The following MTMR14 variants were observed in gnomAD, a reference collection of about 807,000 sequenced individuals.
MTMR14 encodes the protein myotubularin related protein 14, also known as phosphatidylinositol-3,5-bisphosphate 3-phosphatase MTMR14.
Under a neutral mutation model 86.3 loss-of-function variants are expected in MTMR14, and 48 were observed. The ratio of observed to expected loss-of-function variants is 0.56; its 90% CI spans 0.44 to 0.71. The LOEUF is 0.71. Ranked by LOEUF, MTMR14 falls within the 30% of genes least tolerant of loss-of-function variation. The pLI is 0.00. For missense variants in MTMR14, 780 were observed against 834.6 expected (o/e 0.93, Z 0.81); for synonymous variants, 366 against 326.1 (o/e 1.12, Z -1.32).
Position 9,690,000 on chromosome 3 carries a change from C to A in MTMR14, c.1470C>A (p.Leu490=), listed in dbSNP as rs754875435. The A allele has an allele frequency of 1.4e-5, 22 of 1,611,694 alleles. No individual in the cohort carries two copies. The East Asian group carries it at 4.9e-4, about 36-fold the overall frequency. ...KSHSSSPQSV[L]WNRPQPSEDR... ...ACTCATCCTCTCCACAGAGTGTCCT[C>A]TGGAACCGGCCACAACCCTCAGAGG... Residue 490 remains leucine, a synonymous_variant, in exon 17 of 19, where the codon CTC becomes CTA. Transcript: ENST00000296003.
chr3:9,657,816 T>C (rs1353800001), intron 2 of MTMR14, among the ~76,000 whole-genome samples: 1 of 152,148 alleles, frequency 6.6e-6, no homozygotes, highest in Non-Finnish European at 1.5e-5. Context: ...CCCAAAGTGC[T>C]GGGATTACAG....
At chr3:9,663,139 G>A (rs1021387031) in intron 3 of MTMR14, among the ~76,000 whole-genome samples, 1 of 152,142 alleles carries the variant, frequency 6.6e-6, no homozygotes, top group African/African-American at 2.4e-5. Flanking sequence ...AGTAGCAACG[G>A]TGCGAAAATT....
At chr3:9,670,683 G>C (rs2048519351) in intron 5 of MTMR14, among the ~76,000 whole-genome samples, 1 of 152,044 alleles carries the variant, frequency 6.6e-6, no homozygotes, top group Non-Finnish European at 1.5e-5. Flanking sequence ...GGGGTGGAAG[G>C]GGATCAATTC....
intron 13 of MTMR14, among the ~76,000 whole-genome samples, chr3:9,686,865 G>C (rs1396961514): frequency 3.3e-5 from 5 of 152,184 alleles, no homozygotes; most frequent in Non-Finnish European, 5.9e-5. Context: ...GAGGCCCCTG[G>C]GCGAGGCACT....
At chr3:9,649,921 A>G (rs1209448531) in intron 1 of MTMR14, among the ~76,000 whole-genome samples, 179 bp downstream of exon 1, 5 of 152,092 alleles carry the variant, frequency 3.3e-5, no homozygotes, top group African/African-American at 9.7e-5. Context: ...CTTGACAACC[A>G]TAAAAGGAGG....
intron 17 of MTMR14, among the ~76,000 whole-genome samples, chr3:9,692,122 C>T (rs2076156216): frequency 6.6e-6 from 1 of 152,156 alleles, no homozygotes; most frequent in Non-Finnish European, 1.5e-5. Flanking sequence ...GTAACAATAG[C>T]CTGTGAGGTC....
rs569561500 is a variant in MTMR14, at chr3:9,669,525, T to A, written c.554+33T>A. On this transcript the variant is annotated intron_variant, in intron 5 of 18. Transcript: ENST00000296003. ...CTGGGTTGCTGTGGTCAGGGGCTTGTGTTGGGGATGGGGTGTCTGGCCAGA... is the reference window on the plus strand; with the variant it reads ...CTGGGTTGCTGTGGTCAGGGGCTTGAGTTGGGGATGGGGTGTCTGGCCAGA... 2.0e-3 allele frequency: 3,244 copies of A among 1,602,832 alleles called. 69 individuals are homozygous for A. In the South Asian group the frequency reaches 0.034, roughly 17 times the overall value.
At chr3:9,667,467 C>CT (rs1375590951) in intron 3 of MTMR14, among the ~76,000 whole-genome samples, 2 of 151,812 alleles carry the variant, frequency 1.3e-5, no homozygotes, top group East Asian at 1.9e-4. Context: ...ATAGTTCATA[C>CT]TTTTTTATCA....
At chr3:9,688,336 A>G (rs2125310349) in intron 14 of MTMR14, among the ~76,000 whole-genome samples, 1 of 152,306 alleles carries the variant, frequency 6.6e-6, no homozygotes, top group South Asian at 2.1e-4. Flanking sequence ...GAAATGCAAG[A>G]GTCTTGGCTG....
At chr3:9,675,457 A>C in intron 7 of MTMR14, 1 of 399,918 alleles carries the variant, frequency 2.5e-6, no homozygotes, top group Non-Finnish European at 5.1e-6. Context: ...AGGCTCATAC[A>C]GGTACTCAGT....
chr3:9,694,295 T>G (rs2076219686), intron 17 of MTMR14, among the ~76,000 whole-genome samples: 1 of 151,654 alleles, frequency 6.6e-6, no homozygotes, highest in Non-Finnish European at 1.5e-5. Context: ...TATTTTATCC[T>G]GTTTTTAAAG....
intron 17 of MTMR14, among the ~76,000 whole-genome samples, chr3:9,695,975 C>T (rs1021221512): frequency 6.6e-6 from 1 of 152,186 alleles, no homozygotes; most frequent in Middle Eastern, 3.2e-3. Context: ...GGAAGCCCTG[C>T]TCTGTCGGGC....
chr3:9,656,068 G>A (rs1441876343), intron 2 of MTMR14, among the ~76,000 whole-genome samples: 3 of 151,922 alleles, frequency 2.0e-5, no homozygotes, highest in South Asian at 2.1e-4. Context: ...GGTGGCGCAC[G>A]CCTGTAATCC....
At chr3:9,672,542 G>T (rs1316896017) in intron 6 of MTMR14, 143 bp from the exon 7 acceptor site, 1 of 749,448 alleles carries the variant, frequency 1.3e-6, no homozygotes, top group Non-Finnish European at 2.4e-6. Flanking sequence ...TACAAAGTAG[G>T]CACTGCTGAA....
chr3:9,675,568 C>G (rs773782048), intron 7 of MTMR14: 5 of 457,156 alleles, frequency 1.1e-5, no homozygotes, highest in Non-Finnish European at 2.2e-5. Context: ...GTCCCAAATT[C>G]TGCAGCACAA....
chr3:9,672,628 GGTGT>G, intron 6 of MTMR14, 53 bp from the exon 7 acceptor site: 2 of 1,392,016 alleles, frequency 1.4e-6, no homozygotes, highest in East Asian at 4.6e-5. Flanking sequence ...TTTGGGGAAT[GGTGT>G]GTGTTTGTGT....
chr3:9,661,815 T>C (rs1257712416), intron 2 of MTMR14, among the ~76,000 whole-genome samples: 2 of 151,810 alleles, frequency 1.3e-5, no homozygotes, highest in Non-Finnish European at 2.9e-5. Context: ...AAAAACTTAA[T>C]ATATCTCATG....
At chr3:9,680,568 G>A (rs1308416992) in intron 9 of MTMR14, among the ~76,000 whole-genome samples, 6 of 152,186 alleles carry the variant, frequency 3.9e-5, no homozygotes, top group Admixed American at 1.3e-4. Flanking sequence ...GCCCATGGCC[G>A]GGCACGGTGG....
At position 9,701,808 on chromosome 3, in the gene MTMR14, TCGAGAGA is replaced by T. The variant is rs775867885; in HGVS notation, c.1790_1796del (p.Arg597LeufsTer23). ...CCCATAGGCTTGCAGCCCTGAGTGA[TCGAGAGA>T]CTCGGCTGCAGGAGGTGCGCTCAGC... On this transcript the variant is annotated frameshift_variant, in exon 19 of 19. Coordinates refer to ENST00000296003, the MANE Select transcript of MTMR14 (RefSeq NM_001077525.3). LOFTEE classifies it high-confidence loss of function. The surrounding 1 kb of genome is among the most constrained non-coding windows in gnomAD (Gnocchi z 4.2). The T allele has an allele frequency of 1.9e-6, 3 of 1,613,882 alleles. No homozygotes were observed. The highest frequency in any genetic ancestry group is 2.5e-6 in the Non-Finnish European group (3 of 1,180,042).
Sources: allele counts gnomAD v4.1 joint callset (sites outside exome capture counted in the v4.1 genomes callset), GRCh38; gene constraint gnomAD v4.1.1; non-coding constraint Gnocchi (gnomAD v3.1); transcripts MANE v1.5; gene names NCBI Gene and HGNC (gene_info 2026-07-23, HGNC 2026-07-21).